Variants in SLC49A4 observed in about 807,000 individuals in gnomAD.
SLC49A4 encodes disrupted in renal cancer protein 2.
A neutral mutation model predicts 50.6 loss-of-function variants in SLC49A4; 36 were observed. The observed-to-expected ratio is 0.71, with a 90% CI of 0.55 to 0.94. The LOEUF (loss-of-function observed/expected upper bound fraction) is 0.94. SLC49A4 is among the 40% of genes least tolerant of loss of function. The pLI, the probability that SLC49A4 is intolerant of heterozygous loss-of-function variation, is 0.00. For missense variants in SLC49A4, 503 were observed against 605.7 expected (o/e 0.83, Z 1.78); for synonymous variants, 248 against 241.2 (o/e 1.03, Z -0.26).
intron 2 of SLC49A4, among the ~76,000 whole-genome samples, chr3:122,808,478 G>A (rs115824357): frequency 2.1e-4 from 32 of 152,316 alleles, no homozygotes; most frequent in Non-Finnish European, 3.5e-4. Context: ...AGAGAGAACC[G>A]CAAGAGTTCA....
chr3:122,860,015 C>A, intron 6 of SLC49A4, 60 bp from the exon 7 acceptor site: 1 of 1,366,308 alleles, frequency 7.3e-7, no homozygotes, highest in Non-Finnish European at 9.8e-7. Flanking sequence ...GAAAGTGTGT[C>A]ATTTGCTTAA....
chr3:122,849,675 GT>G (rs200070253), intron 5 of SLC49A4, among the ~76,000 whole-genome samples: 2 of 150,590 alleles, frequency 1.3e-5, no homozygotes, highest in East Asian at 1.9e-4. Flanking sequence ...AATTGGATTG[GT>G]TTTTTTTTGC....
At chr3:122,808,566 C>A (rs796946678) in intron 2 of SLC49A4, among the ~76,000 whole-genome samples, 8 of 152,206 alleles carry the variant, frequency 5.3e-5, no homozygotes, top group African/African-American at 1.9e-4. Flanking sequence ...GAGGTCAGAG[C>A]GGTTACAGAG....
chr3:122,873,372 G>A (rs1246513702), intron 8 of SLC49A4, among the ~76,000 whole-genome samples: 1 of 152,014 alleles, frequency 6.6e-6, no homozygotes, highest in East Asian at 1.9e-4. Flanking sequence ...TAGAGACGGG[G>A]TTTCACTGTG....
chr3:122,837,744 C>T (rs1047587403), intron 4 of SLC49A4, among the ~76,000 whole-genome samples: 31 of 151,300 alleles, frequency 2.0e-4, no homozygotes, highest in African/African-American at 7.0e-4. Flanking sequence ...TTCTGCACAG[C>T]AAAAGAAACT....
At chr3:122,835,658 G>T (rs1430822935) in intron 4 of SLC49A4, among the ~76,000 whole-genome samples, 1 of 152,026 alleles carries the variant, frequency 6.6e-6, no homozygotes, top group African/African-American at 2.4e-5. Context: ...CATACTGAAT[G>T]GGAAAACTTG....
At position 122,806,173 on chromosome 3, in the gene SLC49A4, C is replaced by G. The variant is rs536755580; in HGVS notation, c.344-684C>G. 2.0e-5 allele frequency among the ~76,000 whole-genome samples: 3 copies of G among 152,082 alleles called. No individual in the cohort carries two copies. In the East Asian group the frequency reaches 5.8e-4, roughly 29 times the overall value. ...GTTAAGAGTTTTTTTTTATTAGCAG[C>G]TTACATTTGAAAATTCAGATTTTTC... On this transcript the variant is annotated intron_variant, in intron 1 of 8. Coordinates refer to ENST00000261038, the MANE Select transcript of SLC49A4 (RefSeq NM_032839.3).
intron 5 of SLC49A4, among the ~76,000 whole-genome samples, chr3:122,848,061 T>C (rs1197084885): frequency 6.6e-6 from 1 of 152,224 alleles, no homozygotes; most frequent in African/African-American, 2.4e-5. Flanking sequence ...TGTTGCACGG[T>C]GTAGATAGAG....
At chr3:122,839,754 A>T (rs1936742053) in intron 4 of SLC49A4, among the ~76,000 whole-genome samples, 1 of 152,178 alleles carries the variant, frequency 6.6e-6, no homozygotes, top group Non-Finnish European at 1.5e-5. Flanking sequence ...GTTGACATGG[A>T]TGTGGTGAAA....
intron 2 of SLC49A4, among the ~76,000 whole-genome samples, chr3:122,824,728 T>TC: frequency 8.1e-6 from 1 of 123,730 alleles, no homozygotes; most frequent in African/African-American, 3.3e-5. Flanking sequence ...TTTTTTTTCC[T>TC]TCTTTTTTTT....
At chr3:122,859,414 T>C (rs903858000) in intron 6 of SLC49A4, among the ~76,000 whole-genome samples, 14 of 152,184 alleles carry the variant, frequency 9.2e-5, no homozygotes, top group Non-Finnish European at 1.6e-4. Context: ...GTTCTCTAAG[T>C]GAGTTTGAAT....
chr3:122,796,266 A>G (rs1303502979), intron 1 of SLC49A4, among the ~76,000 whole-genome samples: 2 of 152,236 alleles, frequency 1.3e-5, no homozygotes, highest in Non-Finnish European at 2.9e-5. Context: ...AATGATTAGT[A>G]GTGACAGTCT....
At chr3:122,802,696 A>T (rs1029397580) in intron 1 of SLC49A4, among the ~76,000 whole-genome samples, 2 of 152,230 alleles carry the variant, frequency 1.3e-5, no homozygotes. Flanking sequence ...AAAGAACAAC[A>T]TTGAACTTCT....
Position 122,795,500 on chromosome 3 carries a change from C to T in SLC49A4, c.308C>T (p.Pro103Leu). ...CTGTGGGGGCCCATCGGCTTCCTGC[C>T]CTGCTTCGCGTTCATGTGGCTCCTG... The part of the protein sequence containing the change: ...LVLWGPIGFL[P>L]CFAFMWLLDK... Residue 103 changes from proline (P) to leucine (L), a missense_variant, in exon 1 of 9, where the codon CCC (proline) becomes CTC (leucine). Coordinates refer to ENST00000261038, the MANE Select transcript of SLC49A4 (RefSeq NM_032839.3). 6.2e-7 allele frequency: 1 copy of T among 1,602,818 alleles called. No individual in the cohort carries two copies. The highest frequency in any genetic ancestry group is 8.5e-7 in the Non-Finnish European group (1 of 1,178,536).
rs530525208 is a variant in SLC49A4, at chr3:122,880,905, A to G, written c.*1527A>G. On this transcript the variant is annotated 3_prime_UTR_variant, in exon 9 of 9. Coordinates refer to ENST00000261038, the MANE Select transcript of SLC49A4 (RefSeq NM_032839.3). ...CTCGGTCCTAGAGGAGTATCCTAGTACTGCTTGGCAACTTCTAAGACCCTA... is the reference window on the plus strand; with the variant it reads ...CTCGGTCCTAGAGGAGTATCCTAGTGCTGCTTGGCAACTTCTAAGACCCTA... 6.6e-6 allele frequency: 1 copy of G among 152,286 alleles called. No individual in the cohort carries two copies. The highest frequency in any genetic ancestry group is 1.9e-4 in the East Asian group (1 of 5,172). The allele number at this position is 152,286 out of a possible 1,614,324, so 9.4% of individuals were successfully genotyped here.
intron 1 of SLC49A4, among the ~76,000 whole-genome samples, chr3:122,800,540 A>G (rs568652450): frequency 6.6e-6 from 1 of 151,874 alleles, no homozygotes; most frequent in Non-Finnish European, 1.5e-5. Flanking sequence ...ATTAAAGTAT[A>G]TCTATTAATG....
intron 4 of SLC49A4, among the ~76,000 whole-genome samples, chr3:122,837,353 CCAAA>C (rs1436385655): frequency 1.3e-5 from 2 of 152,032 alleles, no homozygotes; most frequent in Non-Finnish European, 2.9e-5. Context: ...GGTACTGGTA[CCAAA>C]CAGAGATATA....
At chr3:122,827,345 CA>C (rs1422536298) in intron 3 of SLC49A4, among the ~76,000 whole-genome samples, 3 of 152,180 alleles carry the variant, frequency 2.0e-5, no homozygotes, top group African/African-American at 4.8e-5. Context: ...CTGTATAACA[CA>C]TTTTCTATGT....
Position 122,879,389 on chromosome 3 carries a change from T to C in SLC49A4, c.*11T>C, listed in dbSNP as rs748827762. ...GTTGTCTCCGTTTAATAGCACAGAC[T>C]TGAAGGAGTTTAAAAGGAGGCTGGA... On this transcript the variant is annotated 3_prime_UTR_variant, in exon 9 of 9. Transcript: ENST00000261038. 5.6e-6 allele frequency: 9 copies of C among 1,597,890 alleles called. No individual in the cohort carries two copies. The highest frequency in any genetic ancestry group is 3.3e-4 in the Middle Eastern group (2 of 6,030).
Sources: allele counts gnomAD v4.1 joint callset (sites outside exome capture counted in the v4.1 genomes callset), GRCh38; gene constraint gnomAD v4.1.1; transcripts MANE v1.5; gene names NCBI Gene and HGNC (gene_info 2026-07-23, HGNC 2026-07-21).